Variants in SGMS1 observed in about 807,000 individuals in gnomAD.
SGMS1 encodes the protein phosphatidylcholine:ceramide cholinephosphotransferase 1.
Under a neutral mutation model 46.2 loss-of-function variants are expected in SGMS1, and 13 were observed. The ratio of observed to expected loss-of-function variants is 0.28; its 90% CI spans 0.18 to 0.45. The LOEUF is 0.45. SGMS1 is among the 20% of genes least tolerant of loss of function. SGMS1 has a pLI of 1.00. For synonymous variants in SGMS1, 203 were observed against 187.8 expected (o/e 1.08, Z -0.66); for missense variants, 324 against 519.9 (o/e 0.62, Z 3.66).
At chr10:50,582,669 T>C (rs1167015564) in intron 2 of SGMS1, among the ~76,000 whole-genome samples, 2 of 152,238 alleles carry the variant, frequency 1.3e-5, no homozygotes, top group South Asian at 2.1e-4. Flanking sequence ...TTCTTAGGAA[T>C]GTTCCCTTAA....
intron 3 of SGMS1, among the ~76,000 whole-genome samples, chr10:50,480,690 G>A (rs968234293): frequency 6.6e-6 from 1 of 152,146 alleles, no homozygotes; most frequent in African/African-American, 2.4e-5. Context: ...CAAACACAGA[G>A]CTGTGCAGAC....
chr10:50,587,370 C>T (rs1297882509), intron 2 of SGMS1, among the ~76,000 whole-genome samples: 3 of 152,216 alleles, frequency 2.0e-5, no homozygotes, highest in African/African-American at 4.8e-5. Flanking sequence ...CGTGGCAGCT[C>T]ACGCCTATAA....
intron 5 of SGMS1, among the ~76,000 whole-genome samples, chr10:50,439,920 G>A (rs546415342): frequency 1.3e-5 from 2 of 152,122 alleles, no homozygotes; most frequent in South Asian, 4.2e-4. Flanking sequence ...GGTATTTTGG[G>A]GGCATCTACA....
At chr10:50,423,761 T>C (rs951148336) in intron 6 of SGMS1, among the ~76,000 whole-genome samples, 1 of 152,254 alleles carries the variant, frequency 6.6e-6, no homozygotes, top group African/African-American at 2.4e-5. Flanking sequence ...GTTTAACTCA[T>C]AATTTAATGA....
intron 6 of SGMS1, among the ~76,000 whole-genome samples, chr10:50,422,974 G>C (rs957008305): frequency 6.6e-6 from 1 of 152,198 alleles, no homozygotes. Context: ...GGCTGTGTCT[G>C]TCCTGCTATG....
chr10:50,424,813 G>C (rs1162532519), intron 6 of SGMS1, among the ~76,000 whole-genome samples: 1 of 151,664 alleles, frequency 6.6e-6, no homozygotes, highest in Non-Finnish European at 1.5e-5. Flanking sequence ...TCGGGAGGCT[G>C]AGGCAGGAGA....
chr10:50,413,596 A>G (rs1303282613), intron 6 of SGMS1, among the ~76,000 whole-genome samples: 5 of 152,226 alleles, frequency 3.3e-5, no homozygotes, highest in Admixed American at 2.6e-4. Flanking sequence ...TAGGATGTTT[A>G]GCAGTATCCA....
At position 50,349,197 on chromosome 10, in the gene SGMS1, C is replaced by A. The variant is rs115375840; in HGVS notation, c.-231-4852G>T. Among the ~76,000 whole-genome samples, 238 of 152,324 alleles carry A rather than the reference C, an allele frequency of 1.6e-3. 1 individual carries two copies. The highest frequency in any genetic ancestry group is 5.2e-3 in the African/African-American group (215 of 41,578). On this transcript the variant is annotated intron_variant, in intron 6 of 10. Coordinates refer to ENST00000361781, the MANE Select transcript of SGMS1 (RefSeq NM_147156.4). ...CAAAATTATTCCTTCCTTAAAATAACCCCTGTGCTTCCCCATAACTTGGAA... is the reference window on the plus strand; with the variant it reads ...CAAAATTATTCCTTCCTTAAAATAAACCCTGTGCTTCCCCATAACTTGGAA...
chr10:50,555,602 T>G (rs1161928886), intron 2 of SGMS1, among the ~76,000 whole-genome samples: 1 of 152,230 alleles, frequency 6.6e-6, no homozygotes, highest in East Asian at 1.9e-4. Context: ...AAACTTCCTA[T>G]TTAAAATGTT....
intron 3 of SGMS1, among the ~76,000 whole-genome samples, chr10:50,469,715 T>C (rs1378535023): frequency 1.3e-5 from 2 of 152,154 alleles, no homozygotes; most frequent in Non-Finnish European, 2.9e-5. Flanking sequence ...ACTCTTCCCC[T>C]ATTCAATAAT....
At chr10:50,471,368 G>A (rs1406841380) in intron 3 of SGMS1, among the ~76,000 whole-genome samples, 1 of 152,108 alleles carries the variant, frequency 6.6e-6, no homozygotes, top group Non-Finnish European at 1.5e-5. Flanking sequence ...AAAAAACCAC[G>A]TAAATCAGTA....
chr10:50,453,173 G>A (rs893464580), intron 5 of SGMS1, among the ~76,000 whole-genome samples: 13 of 151,990 alleles, frequency 8.6e-5, no homozygotes, highest in African/African-American at 2.7e-4. Context: ...AAAATATTTC[G>A]AATACTAGAA....
At chr10:50,545,563 G>A (rs1838094041) in intron 2 of SGMS1, among the ~76,000 whole-genome samples, 2 of 152,102 alleles carry the variant, frequency 1.3e-5, no homozygotes, top group South Asian at 2.1e-4. Flanking sequence ...AGCCTCCTGA[G>A]TAGCTGGGAT....
rs1053876789 is a variant in SGMS1, at chr10:50,343,581, G to A, written c.534C>T (p.Asn178=). The A allele has an allele frequency of 6.2e-7, 1 of 1,614,104 alleles. No individual in the cohort carries two copies. The highest frequency in any genetic ancestry group is 8.5e-7 in the Non-Finnish European group (1 of 1,180,026). ...AAATAGAAAAGGCCCACTGCACCCG[G>A]TTAAAATGGTCAAAAAATGTGTCCG... is the stretch of plus-strand genomic sequence containing the variant. The part of the protein sequence containing the change: ...PLPDTFFDHF[N]RVQWAFSICE... The change falls in exon 7 of 11, where the codon AAC becomes AAT. Residue 178 remains asparagine, a synonymous_variant. Coordinates refer to ENST00000361781, the MANE Select transcript of SGMS1 (RefSeq NM_147156.4).
intron 6 of SGMS1, among the ~76,000 whole-genome samples, chr10:50,380,857 T>A (rs1848593232): frequency 6.6e-6 from 1 of 152,156 alleles, no homozygotes; most frequent in African/African-American, 2.4e-5. Flanking sequence ...TGAGACAGAA[T>A]CTTACTATGT....
At chr10:50,461,881 C>T (rs1438867444) in intron 4 of SGMS1, among the ~76,000 whole-genome samples, 1 of 152,164 alleles carries the variant, frequency 6.6e-6, no homozygotes, top group South Asian at 2.1e-4. Flanking sequence ...TTTATTCTAT[C>T]TGTAAGAAAT....
intron 3 of SGMS1, among the ~76,000 whole-genome samples, chr10:50,490,351 A>T (rs1162088993): frequency 6.6e-6 from 1 of 152,220 alleles, no homozygotes; most frequent in Non-Finnish European, 1.5e-5. Context: ...TTTGAATTTA[A>T]GAATGTAAAT....
chr10:50,429,000 TG>T (rs1849365615), intron 6 of SGMS1, among the ~76,000 whole-genome samples: 2 of 152,218 alleles, frequency 1.3e-5, no homozygotes, highest in South Asian at 4.1e-4. Flanking sequence ...ATTCAAGTAT[TG>T]AATATTGTTT....
rs530824477 is a variant in SGMS1, at chr10:50,367,048, T to C, written c.-231-22703A>G. Among the ~76,000 whole-genome samples the C allele has an allele frequency of 6.6e-5, 10 of 152,292 alleles. No homozygotes were observed. In the East Asian group the frequency reaches 1.9e-3, roughly 29 times the overall value. On this transcript the variant is annotated intron_variant, in intron 6 of 10. Coordinates refer to ENST00000361781, the MANE Select transcript of SGMS1 (RefSeq NM_147156.4). ...CATATGAAAAAAAGCTCAACATCAC[T>C]GATCATTGGAGAAATGCAAACCAAA...
Sources: gnomAD v4.1 joint callset for allele counts (sites outside exome capture counted in the v4.1 genomes callset) on GRCh38, gnomAD v4.1.1 for gene constraint, MANE v1.5 for transcripts, NCBI Gene and HGNC (gene_info 2026-07-23, HGNC 2026-07-21) for gene names.